The following SMCO2 variants were observed in gnomAD, a reference collection of about 807,000 sequenced individuals.
SMCO2 encodes single-pass membrane and coiled-coil domain-containing protein 2.
A neutral mutation model predicts 29.5 loss-of-function variants in SMCO2; 25 were observed. The observed-to-expected ratio is 0.85, with a 90% CI of 0.62 to 1.18. SMCO2 has a LOEUF of 1.18. Among genes scored for constraint, SMCO2 ranks in the 50% most tolerant of loss-of-function variants. The probability of loss-of-function intolerance (pLI) is 0.00; values close to 1 mark genes in which losing one functional copy is unlikely to be tolerated. For missense variants in SMCO2, 348 were observed against 344.5 expected (o/e 1.01, Z -0.08); for synonymous variants, 117 against 123.3 (o/e 0.95, Z 0.34).
At chr12:27,475,618 G>A (rs1325357696) in intron 4 of SMCO2, 1 of 1,549,776 alleles carries the variant, frequency 6.5e-7, no homozygotes, top group East Asian at 2.4e-5. Flanking sequence ...TAAACTACTG[G>A]AACACAAAGA....
Position 27,471,124 on chromosome 12 carries a change from C to T in SMCO2, c.134+359C>T, listed in dbSNP as rs150668325. 8.5e-3 allele frequency among the ~76,000 whole-genome samples: 1,291 copies of T among 152,202 alleles called. 9 individuals carry two copies. Among genetic ancestry groups the T allele is most frequent in the Middle Eastern group, 0.031 (9 of 294 alleles). On this transcript the variant is annotated intron_variant, in intron 2 of 7. Coordinates refer to ENST00000298876, the Ensembl canonical transcript of SMCO2. ...AAACAGTGGTATAAACACATATATACATTTGCTAGTACGTGTTTAAAATGC... is the reference window on the plus strand; with the variant it reads ...AAACAGTGGTATAAACACATATATATATTTGCTAGTACGTGTTTAAAATGC...
the SMCO2 span, among the ~76,000 whole-genome samples, chr12:27,443,171 C>G: frequency 6.6e-6 from 1 of 152,198 alleles, no homozygotes; most frequent in East Asian, 1.9e-4. Flanking sequence ...TCACCATGAT[C>G]AAGTGGGATT....
At chr12:27,432,368 T>C in the SMCO2 span, among the ~76,000 whole-genome samples, 1 of 152,170 alleles carries the variant, frequency 6.6e-6, no homozygotes, top group Non-Finnish European at 1.5e-5. Flanking sequence ...GGAAAAAAAA[T>C]ACATTAGAAA....
intron 4 of SMCO2, among the ~76,000 whole-genome samples, 187 bp from the exon 6 acceptor site, chr12:27,488,273 T>C (rs535282312): frequency 9.5e-4 from 144 of 152,348 alleles, no homozygotes; most frequent in Admixed American, 2.5e-3. Flanking sequence ...ATCTCTTTAA[T>C]ATTATCTAGA....
chr12:27,470,036 C>G (rs557994250), intron 1 of SMCO2, among the ~76,000 whole-genome samples: 1 of 152,308 alleles, frequency 6.6e-6, no homozygotes, highest in Non-Finnish European at 1.5e-5. Flanking sequence ...TAGACATACA[C>G]TGAAAATTAC....
At chr12:27,490,965 A>G (rs1317498803) in intron 5 of SMCO2, among the ~76,000 whole-genome samples, 2 of 152,168 alleles carry the variant, frequency 1.3e-5, no homozygotes, top group Non-Finnish European at 2.9e-5. Context: ...GCAAACAACA[A>G]AAACAACAAA....
chr12:27,490,003 G>A (rs1949722134), intron 5 of SMCO2, among the ~76,000 whole-genome samples: 2 of 152,112 alleles, frequency 1.3e-5, no homozygotes, highest in Admixed American at 6.5e-5. Flanking sequence ...CAAGAGGAAG[G>A]CATCACACAC....
At chr12:27,465,457 G>C (rs1000184224), upstream of SMCO2, among the ~76,000 whole-genome samples, 2 of 152,238 alleles carry the variant, frequency 1.3e-5, no homozygotes, top group South Asian at 4.1e-4. Flanking sequence ...AGCAGGCATT[G>C]TGGGAGGGCT....
At chr12:27,481,925 G>A (rs1949646667) in intron 4 of SMCO2, among the ~76,000 whole-genome samples, 1 of 150,406 alleles carries the variant, frequency 6.6e-6, no homozygotes, top group Non-Finnish European at 1.5e-5. Flanking sequence ...ACATTTTTTG[G>A]TTTGCTAAAA....
In SMCO2 at chr12:27,485,589, C is replaced by T. The variant is rs550567108; in HGVS notation, c.363-2871C>T. Among the ~76,000 whole-genome samples the T allele has an allele frequency of 3.3e-5, 5 of 151,694 alleles. 1 individual carries two copies. Among genetic ancestry groups the T allele is most frequent in the South Asian group, 4.2e-4 (2 of 4,790 alleles). On this transcript the variant is annotated intron_variant, in intron 4 of 7. Coordinates refer to ENST00000298876, the Ensembl canonical transcript of SMCO2. The stretch of plus-strand genomic sequence containing the variant: ...TCCCGAGTAGCTGGGATTATAGGCA[C>T]GTGCCACCCATACCTGATTAATTTT...
chr12:27,498,565 G>A (rs564302980), intron 7 of SMCO2: 99 of 233,846 alleles, frequency 4.2e-4, no homozygotes, highest in Admixed American at 1.1e-3. Context: ...TCAATATCCC[G>A]GGAATAAAAC....
the SMCO2 span, among the ~76,000 whole-genome samples, chr12:27,456,224 C>T: frequency 3.9e-5 from 6 of 152,060 alleles, no homozygotes; most frequent in East Asian, 3.9e-4. Flanking sequence ...TCAAAAAAAA[C>T]GAAATAACAA....
chr12:27,477,634 C>CTTTTTTTTTTTTTTTTTTTTTTTTT (rs3051833), intron 4 of SMCO2, among the ~76,000 whole-genome samples: 2 of 109,654 alleles, frequency 1.8e-5, no homozygotes, highest in Admixed American at 9.1e-5. Flanking sequence ...CTTTTTCATT[C>CTTTTTTTTTTTTTTTTTTTTTTTTT]TTTTTTTTTT....
chr12:27,478,328 AG>A (rs745506956), intron 4 of SMCO2, among the ~76,000 whole-genome samples: 65 of 152,238 alleles, frequency 4.3e-4, no homozygotes, highest in Non-Finnish European at 8.7e-4. Flanking sequence ...GCCTGTCCTC[AG>A]GTCCCCATGC....
chr12:27,476,893 C>A (rs2728718), intron 4 of SMCO2, among the ~76,000 whole-genome samples: 17,448 of 151,726 alleles, frequency 0.11, 1,930 homozygotes, highest in African/African-American at 0.27. Flanking sequence ...TCATTTTGTT[C>A]ATTGTTTTCT....
At chr12:27,430,634 A>G in the SMCO2 span, among the ~76,000 whole-genome samples, 1 of 152,190 alleles carries the variant, frequency 6.6e-6, no homozygotes, top group Non-Finnish European at 1.5e-5. Context: ...CTACAATCTG[A>G]ATTCTCTTGC....
chr12:27,428,974 G>A, the SMCO2 span, among the ~76,000 whole-genome samples: 1 of 151,960 alleles, frequency 6.6e-6, no homozygotes, highest in Non-Finnish European at 1.5e-5. Context: ...ACATGTAGAC[G>A]AATATCACAT....
intron 4 of SMCO2, among the ~76,000 whole-genome samples, chr12:27,478,750 T>G (rs906706729): frequency 6.6e-6 from 1 of 151,844 alleles, no homozygotes; most frequent in Non-Finnish European, 1.5e-5. Flanking sequence ...GGGCCCATCC[T>G]CAGGCCCACA....
At chr12:27,469,111 C>T (rs2135542561) in intron 1 of SMCO2, among the ~76,000 whole-genome samples, 1 of 152,028 alleles carries the variant, frequency 6.6e-6, no homozygotes, top group African/African-American at 2.4e-5. Context: ...TTTTTTGGAC[C>T]ATAAAAACAG....
Sources: gnomAD v4.1 joint callset for allele counts (sites outside exome capture counted in the v4.1 genomes callset) on GRCh38, gnomAD v4.1.1 for gene constraint, MANE v1.5 for transcripts, NCBI Gene and HGNC (gene_info 2026-07-23, HGNC 2026-07-21) for gene names.